The following TLR1 variants were observed in gnomAD, a reference collection of about 807,000 sequenced individuals.
TLR1 encodes toll-like receptor 1.
Under a neutral mutation model 20.2 loss-of-function variants are expected in TLR1, and 19 were observed. The ratio of observed to expected loss-of-function variants is 0.94; its 90% CI spans 0.66 to 1.38. The LOEUF is 1.38. TLR1 is among the 40% of genes most tolerant of loss of function. The pLI, the probability that TLR1 is intolerant of heterozygous loss-of-function variation, is 0.00. For synonymous variants in TLR1, 320 were observed against 334.5 expected (o/e 0.96, Z 0.47); for missense variants, 921 against 910.0 (o/e 1.01, Z -0.16).
At chr4:38,802,178 C>T (rs1726709716) in intron 2 of TLR1, among the ~76,000 whole-genome samples, 1 of 152,248 alleles carries the variant, frequency 6.6e-6, no homozygotes, top group Non-Finnish European at 1.5e-5. Context: ...GCCTGGGCAA[C>T]AGGGCTAGAC....
chr4:38,798,209 A>C lies in TLR1; in HGVS notation c.623T>G (p.Val208Gly). 3.1e-6 allele frequency: 5 copies of C among 1,614,020 alleles called. No homozygotes were observed. The highest frequency in any genetic ancestry group is 3.4e-6 in the Non-Finnish European group (4 of 1,179,916). The change falls in exon 4 of 4, where the codon GTG becomes GGG. Residue 208 changes from valine to glycine, a missense_variant. Val to Gly is a moderately radical substitution (Grantham distance 109). Coordinates refer to ENST00000308979, the MANE Select transcript of TLR1 (RefSeq NM_003263.4). ...TNKEFHFILD[V>G]SVKTVANLEL... is the part of the protein sequence containing the mutation. ...CAGATTTGCTACAGTCTTGACTGACACATCCAAAATAAAATGGAATTCTTT... is the reference window on the plus strand; with the variant it reads ...CAGATTTGCTACAGTCTTGACTGACCCATCCAAAATAAAATGGAATTCTTT...
chr4:38,797,317 T>A lies in TLR1; in HGVS notation c.1515A>T (p.Pro505=), dbSNP rs756702006. 3.1e-6 allele frequency: 5 copies of A among 1,614,164 alleles called. No homozygotes were observed. In the East Asian group the frequency reaches 1.1e-4, roughly 36 times the overall value. The change falls in exon 4 of 4, where the codon CCA becomes CCT. Residue 505 remains proline (P), a synonymous_variant. Coordinates refer to ENST00000308979, the MANE Select transcript of TLR1 (RefSeq NM_003263.4). Reference sequence around the variant, plus strand: ...GGCAGCTCTGGAAGAAATCAGCCGATGGGTGGGAAACTGAATTGTGATCAA... The same window carrying A: ...GGCAGCTCTGGAAGAAATCAGCCGAAGGGTGGGAAACTGAATTGTGATCAA... ...LIIDHNSVSH[P]SADFFQSCQK... is the part of the protein sequence containing the mutation.
chr4:38,790,590 G>A (rs1206013515), downstream of TLR1: 1 of 151,960 alleles, frequency 6.6e-6, no homozygotes, highest in Non-Finnish European at 1.5e-5. Flanking sequence ...TCGTTTTGCT[G>A]GGTACTTTTA....
At chr4:38,788,455 A>G (rs1157628781), downstream of TLR1, among the ~76,000 whole-genome samples, 1 of 152,222 alleles carries the variant, frequency 6.6e-6, no homozygotes, top group Non-Finnish European at 1.5e-5. Flanking sequence ...CAAATATCCA[A>G]AAAGACATGT....
Position 38,802,284 on chromosome 4 carries a change from G to C in TLR1, c.-159-1336C>G, listed in dbSNP as rs544289715. ...ATCAGGGAAAGTCAGTCTCCTAATA[G>C]ATAGAAAACACACCTGAAGCTGGTG... On this transcript the variant is annotated intron_variant, in intron 2 of 3. Transcript: ENST00000308979. Among the ~76,000 whole-genome samples the C allele has an allele frequency of 2.7e-5, 4 of 147,500 alleles. No individual in the cohort carries two copies. The East Asian group carries it at 7.7e-4, about 29-fold the overall frequency.
At chr4:38,791,673 G>T (rs530757458), downstream of TLR1, among the ~76,000 whole-genome samples, 1 of 152,228 alleles carries the variant, frequency 6.6e-6, no homozygotes, top group South Asian at 2.1e-4. Context: ...CAGCACTTCA[G>T]CTCCAGTTCC....
intron 3 of TLR1, among the ~76,000 whole-genome samples, chr4:38,800,125 G>A (rs1429087735): frequency 6.6e-6 from 1 of 152,188 alleles, no homozygotes; most frequent in African/African-American, 2.4e-5. Flanking sequence ...TGAAGTGAAT[G>A]AGTAACCTAT....
chr4:38,792,129 T>A (rs114745724), downstream of TLR1, among the ~76,000 whole-genome samples: 1,055 of 152,340 alleles, frequency 6.9e-3, 12 homozygotes, highest in African/African-American at 0.024. Flanking sequence ...GGAATTCATC[T>A]ATGGACAGAG....
At position 38,798,176 on chromosome 4, in the gene TLR1, G is replaced by T. The variant is rs746127645; in HGVS notation, c.656C>A (p.Ser219Tyr). The T allele has an allele frequency of 6.2e-7, 1 of 1,614,074 alleles. No homozygotes were observed. The highest frequency in any genetic ancestry group is 1.7e-5 in the Admixed American group (1 of 60,002). The change falls in exon 4 of 4, where the codon TCT becomes TAT. Residue 219 changes from serine to tyrosine, a missense_variant. By Grantham distance (144) the Ser-to-Tyr change is moderately radical. Transcript: ENST00000308979. ...ATCTTCTAGCACACATTTGATATTA[G>T]ATAGTTCCAGATTTGCTACAGTCTT... is the stretch of plus-strand genomic sequence containing the variant. ...SVKTVANLELSNIKCVLEDNK... is the reference protein window; with the variant it reads ...SVKTVANLELYNIKCVLEDNK...
rs199539854 is a variant in TLR1, at chr4:38,797,281, C to A, written c.1551G>T (p.Arg517Ser). ...ATGGATTGTCCCCTGCTTTTATTGA[C>A]CTCATCTTCTGGCAGCTCTGGAAGA... ...ADFFQSCQKM[R>S]SIKAGDNPFQ... is the part of the protein sequence containing the mutation. The change falls in exon 4 of 4, where the codon AGG (arginine) becomes AGT (serine). Residue 517 changes from arginine to serine, a missense_variant. Physicochemically the swap from Arg to Ser is moderately radical, Grantham distance 110. Coordinates refer to ENST00000308979, the MANE Select transcript of TLR1 (RefSeq NM_003263.4). 1.1e-5 allele frequency: 18 copies of A among 1,614,178 alleles called. No individual in the cohort carries two copies. In the South Asian group the frequency reaches 1.9e-4, roughly 17 times the overall value.
At chr4:38,788,879 G>A, downstream of TLR1, among the ~76,000 whole-genome samples, 1 of 152,110 alleles carries the variant, frequency 6.6e-6, no homozygotes, top group Non-Finnish European at 1.5e-5. Context: ...GTAGTGGCAT[G>A]CCCATATTCC....
In TLR1 at chr4:38,796,799, C is replaced by T; in HGVS notation, c.2033G>A (p.Ser678Asn). The T allele has an allele frequency of 6.2e-7, 1 of 1,614,230 alleles. No individual in the cohort carries two copies. Among genetic ancestry groups the T allele is most frequent in the Non-Finnish European group, 8.5e-7 (1 of 1,180,052 alleles). Reference protein sequence around the residue: ...LHERNFVPGKSIVENIITCIE... With the variant: ...LHERNFVPGKNIVENIITCIE... ...GCAGGTGATGATATTTTCCACAATGCTCTTGCCAGGAACAAAGTTTCTCTC... is the reference window on the plus strand; with the variant it reads ...GCAGGTGATGATATTTTCCACAATGTTCTTGCCAGGAACAAAGTTTCTCTC... The change falls in exon 4 of 4, where the codon AGC becomes AAC. Residue 678 changes from serine (S) to asparagine (N), a missense_variant. Transcript: ENST00000308979.
At chr4:38,788,403 T>G (rs2109333157), downstream of TLR1, among the ~76,000 whole-genome samples, 1 of 152,346 alleles carries the variant, frequency 6.6e-6, no homozygotes, top group Non-Finnish European at 1.5e-5. Context: ...ATTAGTTGCT[T>G]AGCATTGCTC....
chr4:38,798,910 AT>A lies in TLR1; in HGVS notation c.-67-13del, dbSNP rs1726432295. On this transcript the variant is annotated splice_polypyrimidine_tract_variant and intron_variant, in intron 3 of 3. Coordinates refer to ENST00000308979, the MANE Select transcript of TLR1 (RefSeq NM_003263.4). ...TACAGATACAGATTCTAGAAAAAAA[AT>A]AATGAAATGATGAAATACATTACAT... The A allele has an allele frequency of 4.3e-6, 5 of 1,153,924 alleles. No homozygotes were observed. Among genetic ancestry groups the A allele is most frequent in the Non-Finnish European group, 6.1e-6 (5 of 825,882 alleles). The allele number at this position is 1,153,924 out of a possible 1,614,324, so 71.5% of individuals were successfully genotyped here.
chr4:38,794,242 A>C (rs1725885177), downstream of TLR1, among the ~76,000 whole-genome samples: 1 of 152,248 alleles, frequency 6.6e-6, no homozygotes, highest in Admixed American at 6.5e-5. Context: ...TCCTAGAGAA[A>C]ATGGGAAAAT....
chr4:38,798,082 G>C lies in TLR1; in HGVS notation c.750C>G (p.Thr250=), dbSNP rs1227745294. 6.2e-7 allele frequency: 1 copy of C among 1,613,376 alleles called. No homozygotes were observed. Among genetic ancestry groups the C allele is most frequent in the Non-Finnish European group, 8.5e-7 (1 of 1,179,446 alleles). ...LQTNPKLSNL[T]LNNIETTWNS... ...TCCAAGTTGTTTCAATGTTGTTTAAGGTAAGATTTGATAACTTTGGATTTG... is the reference window on the plus strand; with the variant it reads ...TCCAAGTTGTTTCAATGTTGTTTAACGTAAGATTTGATAACTTTGGATTTG... Residue 250 remains threonine, a synonymous_variant, in exon 4 of 4, where the codon ACC becomes ACG. Coordinates refer to ENST00000308979, the MANE Select transcript of TLR1 (RefSeq NM_003263.4).
In TLR1 at chr4:38,798,382, G is replaced by A. The variant is rs750484019; in HGVS notation, c.450C>T (p.His150=). 5 of 1,613,896 alleles carry A rather than the reference G, an allele frequency of 3.1e-6. No individual in the cohort carries two copies. Among genetic ancestry groups the A allele is most frequent in the Non-Finnish European group, 4.2e-6 (5 of 1,179,936 alleles). ...QLKFLGLSTT[H]LEKSSVLPIA... The stretch of plus-strand genomic sequence containing the variant: ...TTGGCAGCACACTAGATTTTTCTAA[G>A]TGTGTGGTGCTCAACCCCAGAAATT... Residue 150 remains histidine, a synonymous_variant, in exon 4 of 4, where the codon CAC becomes CAT. Transcript: ENST00000308979.
chr4:38,792,135 C>A (rs1465232037), downstream of TLR1, among the ~76,000 whole-genome samples: 1 of 152,182 alleles, frequency 6.6e-6, no homozygotes, highest in African/African-American at 2.4e-5. Context: ...CATCTATGGA[C>A]AGAGGATTTG....
Position 38,797,800 on chromosome 4 carries a change from T to G in TLR1, c.1032A>C (p.Pro344=). The G allele has an allele frequency of 1.9e-6, 3 of 1,614,114 alleles. No homozygotes were observed. The highest frequency in any genetic ancestry group is 2.5e-6 in the Non-Finnish European group (3 of 1,179,938). Residue 344 remains proline, a synonymous_variant, in exon 4 of 4, where the codon CCA becomes CCC. Coordinates refer to ENST00000308979, the MANE Select transcript of TLR1 (RefSeq NM_003263.4). ...AATGCAGGAACGGGCTAATTTTGGA[T>G]GGGCAAAGCATGTGGACCATGCGTG... ...SGTRMVHMLC[P]SKISPFLHLD... is the part of the protein sequence containing the mutation.
Sources: gnomAD v4.1 joint callset for allele counts (sites outside exome capture counted in the v4.1 genomes callset) on GRCh38, gnomAD v4.1.1 for gene constraint, MANE v1.5 for transcripts, NCBI Gene and HGNC (gene_info 2026-07-23, HGNC 2026-07-21) for gene names.